Variants in MAP7 observed in about 807,000 individuals in gnomAD.
MAP7 encodes the protein ensconsin.
A neutral mutation model predicts 94.8 loss-of-function variants in MAP7; 52 were observed. That is an observed-to-expected ratio of 0.55 (90% CI 0.44 to 0.69). The LOEUF is 0.69. MAP7 is among the 30% of genes least tolerant of loss of function. MAP7 has a pLI of 0.00. For synonymous variants in MAP7, 350 were observed against 357.0 expected (o/e 0.98, Z 0.22); for missense variants, 940 against 964.6 (o/e 0.97, Z 0.34).
intron 16 of MAP7, among the ~76,000 whole-genome samples, chr6:136,347,798 T>G (rs551956408): frequency 6.6e-6 from 1 of 152,310 alleles, no homozygotes; most frequent in East Asian, 1.9e-4. Flanking sequence ...ATTTTTAAAA[T>G]TATTAAACCT....
chr6:136,369,006 A>G (rs1024697554), intron 8 of MAP7, among the ~76,000 whole-genome samples: 3 of 152,264 alleles, frequency 2.0e-5, no homozygotes, highest in Non-Finnish European at 2.9e-5. Context: ...ATTTCACAAC[A>G]TATTACAGGT....
intron 1 of MAP7, among the ~76,000 whole-genome samples, chr6:136,524,503 T>C (rs551047904): frequency 1.3e-5 from 2 of 152,248 alleles, no homozygotes; most frequent in South Asian, 4.1e-4. Context: ...CACAGGCAAA[T>C]AAAAGAATCA....
At chr6:136,503,742 T>C (rs977158625) in intron 1 of MAP7, among the ~76,000 whole-genome samples, 2 of 152,210 alleles carry the variant, frequency 1.3e-5, no homozygotes, top group African/African-American at 2.4e-5. Flanking sequence ...CAAAGTGTCT[T>C]ACTAAATCAA....
chr6:136,499,493 C>T (rs369487087), intron 1 of MAP7, among the ~76,000 whole-genome samples: 2 of 152,192 alleles, frequency 1.3e-5, no homozygotes, highest in African/African-American at 4.8e-5. Context: ...ATGACAGTAA[C>T]AGCCTGAAGC....
At chr6:136,441,546 A>C (rs1797871068) in intron 1 of MAP7, among the ~76,000 whole-genome samples, 1 of 152,122 alleles carries the variant, frequency 6.6e-6, no homozygotes, top group Admixed American at 6.5e-5. Context: ...ATAGGTAGCT[A>C]TTCTTCCTTC....
chr6:136,493,647 G>A (rs1377352960), intron 1 of MAP7, among the ~76,000 whole-genome samples: 1 of 152,246 alleles, frequency 6.6e-6, no homozygotes, highest in East Asian at 1.9e-4. Context: ...CCCCTTAGAA[G>A]TCATAATTCT....
In MAP7 at chr6:136,389,531, TAAAA is replaced by T. The variant is rs370613031; in HGVS notation, c.245-18_245-15del. ...TTTCTCTTGCAGCTTTGGGGAGGGTTAAAAAAAAAAAAAAAGAGGGAAATCAAAT... is the reference window on the plus strand; with the variant it reads ...TTTCTCTTGCAGCTTTGGGGAGGGTTAAAAAAAAAAAGAGGGAAATCAAAT... On this transcript the variant is annotated splice_polypyrimidine_tract_variant and intron_variant, in intron 3 of 17. Coordinates refer to ENST00000354570, the MANE Select transcript of MAP7 (RefSeq NM_003980.6). 2.9e-4 allele frequency: 436 copies of T among 1,526,330 alleles called. No individual in the cohort carries two copies. The highest frequency in any genetic ancestry group is 8.8e-4 in the Admixed American group (43 of 49,010). 94.5% of individuals were successfully genotyped at this position (1,526,330 alleles called of 1,614,324 possible). A position where few individuals can be genotyped will look rare whatever the true frequency, so the allele number is the denominator to read the frequency against.
At chr6:136,421,064 A>G (rs1241807295) in intron 2 of MAP7, among the ~76,000 whole-genome samples, 1 of 152,190 alleles carries the variant, frequency 6.6e-6, no homozygotes, top group African/African-American at 2.4e-5. Flanking sequence ...TGGTTATTGG[A>G]TAACTGGAAG....
At chr6:136,387,422 C>A (rs1330065589) in intron 5 of MAP7, among the ~76,000 whole-genome samples, 1 of 152,178 alleles carries the variant, frequency 6.6e-6, no homozygotes, top group African/African-American at 2.4e-5. Flanking sequence ...TACTTTATTT[C>A]AACACCTTTA....
At chr6:136,355,774 A>G (rs1353606026) in intron 16 of MAP7, among the ~76,000 whole-genome samples, 2 of 152,264 alleles carry the variant, frequency 1.3e-5, no homozygotes, top group Non-Finnish European at 2.9e-5. Context: ...AAAAAGTCAT[A>G]GCTAAATTTT....
At chr6:136,380,164 C>T (rs1176808860) in intron 6 of MAP7, among the ~76,000 whole-genome samples, 9 of 152,086 alleles carry the variant, frequency 5.9e-5, no homozygotes, top group African/African-American at 1.4e-4. Context: ...CATTATAGGC[C>T]ACCCAGATGA....
chr6:136,352,509 TCTTTTTTC>T (rs1562299880), intron 16 of MAP7, among the ~76,000 whole-genome samples: 1 of 152,188 alleles, frequency 6.6e-6, no homozygotes, highest in African/African-American at 2.4e-5. Flanking sequence ...GAATTCTCTT[TCTTTTTTC>T]CTTTTTTCCC....
chr6:136,345,818 T>G (rs1787528714), intron 17 of MAP7, 38 bp downstream of exon 17: 1 of 1,514,716 alleles, frequency 6.6e-7, no homozygotes, highest in East Asian at 2.3e-5. Context: ...TGTCAGATAT[T>G]TCTGATGACT....
At position 136,545,016 on chromosome 6, in the gene MAP7, T is replaced by C. The variant is rs375915886; in HGVS notation, c.67+5326A>G. The stretch of plus-strand genomic sequence containing the variant: ...AGCCAAACTCAAACTTGGAAAAGTC[T>C]CATATGTCACCTTTTTACCTGCAAT... On this transcript the variant is annotated intron_variant, in intron 1 of 17. Transcript: ENST00000354570. Among the ~76,000 whole-genome samples, 99 of 152,348 alleles carry C rather than the reference T, an allele frequency of 6.5e-4. No homozygotes were observed. The South Asian group carries it at 0.019, about 30-fold the overall frequency.
chr6:136,523,837 G>A (rs1316930049), intron 1 of MAP7, among the ~76,000 whole-genome samples: 1 of 152,026 alleles, frequency 6.6e-6, no homozygotes, highest in Non-Finnish European at 1.5e-5. Context: ...AAATAAGTAG[G>A]TTTTTCGAAG....
At chr6:136,373,420 T>C (rs1003793009) in intron 7 of MAP7, among the ~76,000 whole-genome samples, 19 of 152,352 alleles carry the variant, frequency 1.2e-4, no homozygotes, top group African/African-American at 3.6e-4. Flanking sequence ...ATCTGCCAAA[T>C]GTAAGGTTGA....
chr6:136,447,192 A>G (rs189069065), intron 1 of MAP7, among the ~76,000 whole-genome samples: 214 of 152,348 alleles, frequency 1.4e-3, no homozygotes, highest in African/African-American at 5.1e-3. Flanking sequence ...TCTCTTGCCT[A>G]TATACTGCTG....
chr6:136,518,339 T>C (rs368203315), intron 1 of MAP7, among the ~76,000 whole-genome samples: 1 of 152,170 alleles, frequency 6.6e-6, no homozygotes, highest in Non-Finnish European at 1.5e-5. Context: ...AAAGATTATA[T>C]GAGAATTTCC....
At chr6:136,506,766 T>C (rs1821646966) in intron 1 of MAP7, among the ~76,000 whole-genome samples, 3 of 152,206 alleles carry the variant, frequency 2.0e-5, no homozygotes, top group Admixed American at 6.5e-5. Flanking sequence ...TTTGAGTCCT[T>C]GTGGACAAAC....
Sources: allele counts gnomAD v4.1 joint callset (sites outside exome capture counted in the v4.1 genomes callset), GRCh38; gene constraint gnomAD v4.1.1; transcripts MANE v1.5; gene names NCBI Gene and HGNC (gene_info 2026-07-23, HGNC 2026-07-21).